The following NUP210L variants were observed in gnomAD, a reference collection of about 807,000 sequenced individuals.
NUP210L encodes the protein nuclear pore membrane glycoprotein 210-like.
NUP210L carries 74 observed loss-of-function variants against 208.5 expected under a neutral mutation model. The ratio of observed to expected loss-of-function variants is 0.35; its 90% CI spans 0.29 to 0.43. The LOEUF (loss-of-function observed/expected upper bound fraction) is 0.43. Among genes scored for constraint, NUP210L ranks in the 20% least tolerant of loss-of-function variants. The probability of loss-of-function intolerance (pLI) is 1.00; values close to 1 mark genes in which losing one functional copy is unlikely to be tolerated. For missense variants in NUP210L, 1,843 were observed against 2,289.4 expected (o/e 0.81, Z 3.98); for synonymous variants, 780 against 816.9 (o/e 0.95, Z 0.77).
intron 29 of NUP210L, 146 bp downstream of exon 29, chr1:154,027,360 G>A: frequency 1.7e-6 from 1 of 599,680 alleles, no homozygotes; most frequent in South Asian, 2.1e-5. Flanking sequence ...CTTTACAATA[G>A]TTTTACATTA....
intron 7 of NUP210L, among the ~76,000 whole-genome samples, chr1:154,131,643 CTGACAAAG>C (rs1557999882): frequency 6.6e-6 from 1 of 151,962 alleles, no homozygotes; most frequent in African/African-American, 2.4e-5. Context: ...GCTGTTTTTA[CTGACAAAG>C]TGACCTAAGA....
chr1:154,094,097 C>T (rs1189750580), intron 15 of NUP210L, among the ~76,000 whole-genome samples: 3 of 152,164 alleles, frequency 2.0e-5, no homozygotes, highest in Admixed American at 6.6e-5. Flanking sequence ...GCCTGACCAA[C>T]ATGGTAAAAC....
chr1:154,099,248 C>T (rs550481368), intron 14 of NUP210L, among the ~76,000 whole-genome samples: 4 of 152,070 alleles, frequency 2.6e-5, no homozygotes, highest in South Asian at 2.1e-4. Context: ...CCTGCCTGCT[C>T]GGTGGAGCAG....
In NUP210L at chr1:154,125,767, T is replaced by G. The variant is rs1472226452; in HGVS notation, c.1326+556A>C. ...GGAGGGAAATGTTTTTTTTTTTTTTTTTTTTTTTTTTTTTTTTTGAGACGG... is the reference window on the plus strand; with the variant it reads ...GGAGGGAAATGTTTTTTTTTTTTTTGTTTTTTTTTTTTTTTTTTGAGACGG... On this transcript the variant is annotated intron_variant, in intron 10 of 39. Coordinates refer to ENST00000368559, the Ensembl canonical transcript of NUP210L. Among the ~76,000 whole-genome samples, 3 of 33,784 alleles carry G rather than the reference T, an allele frequency of 8.9e-5. 1 individual carries two copies. Among genetic ancestry groups the G allele is most frequent in the African/African-American group, 2.0e-4 (2 of 10,160 alleles). The allele number at this position is 33,784 out of a possible 152,430, so 22.2% of individuals were successfully genotyped here.
intron 35 of NUP210L, among the ~76,000 whole-genome samples, chr1:154,007,946 A>G (rs563568962): frequency 4.6e-5 from 7 of 150,550 alleles, no homozygotes; most frequent in South Asian, 2.1e-4. Context: ...ATTTTGGCTC[A>G]CTGTAACCTC....
At chr1:154,139,818 T>C in exon 5 of NUP210L, 2 of 1,612,768 alleles carry the variant, frequency 1.2e-6, no homozygotes, top group South Asian at 1.1e-5. Flanking sequence ...GAATGGTTCA[T>C]GAATTCGAAC....
chr1:154,010,392 G>A (rs1650838947), intron 34 of NUP210L, among the ~76,000 whole-genome samples: 1 of 151,926 alleles, frequency 6.6e-6, no homozygotes, highest in Admixed American at 6.6e-5. Context: ...AAAAATCTTT[G>A]AGATGAAGTC....
intron 27 of NUP210L, among the ~76,000 whole-genome samples, chr1:154,039,644 C>T (rs1017439938): frequency 2.6e-5 from 4 of 152,156 alleles, no homozygotes; most frequent in African/African-American, 4.8e-5. Context: ...TCTCTCTTGG[C>T]CTATCAGATT....
At chr1:154,041,523 G>A (rs543936455) in intron 27 of NUP210L, among the ~76,000 whole-genome samples, 14 of 151,884 alleles carry the variant, frequency 9.2e-5, no homozygotes, top group East Asian at 3.9e-4. Context: ...TAGAGACGGC[G>A]TTTCACCATG....
intron 1 of NUP210L, among the ~76,000 whole-genome samples, chr1:154,153,410 A>T (rs1046901027): frequency 1.1e-4 from 16 of 152,278 alleles, no homozygotes; most frequent in African/African-American, 3.9e-4. Flanking sequence ...CCAGGGTTCA[A>T]GCGATTCTCC....
chr1:154,109,176 A>G (rs1017878468), intron 12 of NUP210L, among the ~76,000 whole-genome samples: 1 of 151,650 alleles, frequency 6.6e-6, no homozygotes, highest in Non-Finnish European at 1.5e-5. Context: ...AGACACATGT[A>G]GACTGAAAAT....
At chr1:154,062,843 G>T (rs912473025) in intron 17 of NUP210L, among the ~76,000 whole-genome samples, 1 of 151,910 alleles carries the variant, frequency 6.6e-6, no homozygotes, top group Non-Finnish European at 1.5e-5. Flanking sequence ...GCCTCCTAAA[G>T]TGCTGGGATT....
intron 24 of NUP210L, 60 bp downstream of exon 24, chr1:154,054,710 G>A (rs1653713729): frequency 1.2e-6 from 1 of 868,030 alleles, no homozygotes; most frequent in African/African-American, 1.7e-5. Context: ...GTGTGTGTGT[G>A]AGAGAGAGAG....
At chr1:154,004,305 G>A (rs988915376) in intron 35 of NUP210L, among the ~76,000 whole-genome samples, 19 of 151,764 alleles carry the variant, frequency 1.3e-4, no homozygotes, top group African/African-American at 4.6e-4. Context: ...TCCTGACCTC[G>A]TGATCCACCT....
chr1:154,080,507 C>A (rs570716760), intron 16 of NUP210L, among the ~76,000 whole-genome samples: 2 of 151,900 alleles, frequency 1.3e-5, no homozygotes, highest in East Asian at 3.9e-4. Context: ...TATGATGAAA[C>A]CCTGTCTCTA....
At chr1:154,086,903 T>C (rs1379574969) in intron 16 of NUP210L, among the ~76,000 whole-genome samples, 2 of 152,002 alleles carry the variant, frequency 1.3e-5, no homozygotes, top group African/African-American at 2.4e-5. Flanking sequence ...ATGTAGACTA[T>C]ATGAAATGAA....
intron 12 of NUP210L, among the ~76,000 whole-genome samples, chr1:154,107,865 C>T (rs1464852441): frequency 6.7e-6 from 1 of 149,972 alleles, no homozygotes; most frequent in Non-Finnish European, 1.5e-5. Context: ...GATGTGGCCT[C>T]AAAAAAATAG....
chr1:154,073,929 T>G (rs961442467), intron 16 of NUP210L, among the ~76,000 whole-genome samples: 2 of 152,054 alleles, frequency 1.3e-5, no homozygotes, highest in Admixed American at 1.3e-4. Flanking sequence ...CTCTGAATAG[T>G]GATATCATAT....
chr1:154,143,649 A>C (rs1658970031), intron 2 of NUP210L, 72 bp from the exon 3 acceptor site: 1 of 1,292,192 alleles, frequency 7.7e-7, no homozygotes, highest in Non-Finnish European at 1.1e-6. Flanking sequence ...AAATACTCAA[A>C]ACTGTATTCT....
Sources: allele counts gnomAD v4.1 joint callset (sites outside exome capture counted in the v4.1 genomes callset), GRCh38; gene constraint gnomAD v4.1.1; transcripts MANE v1.5; gene names NCBI Gene and HGNC (gene_info 2026-07-23, HGNC 2026-07-21).